HPSE2: variants seen among roughly 807,000 people sequenced by gnomAD.
HPSE2 encodes the protein inactive heparanase-2.
In HPSE2, 38 loss-of-function variants were observed where a neutral mutation model predicts 60.5. The observed-to-expected ratio is 0.63, with a 90% CI of 0.48 to 0.82. The LOEUF (loss-of-function observed/expected upper bound fraction) is 0.82, where lower values mean the gene tolerates loss of function less well. Among genes scored for constraint, HPSE2 ranks in the 40% least tolerant of loss-of-function variants. The pLI is 0.00. For synonymous variants in HPSE2, 295 were observed against 293.2 expected, an observed-to-expected ratio of 1.01 and a Z score of -0.06; for missense variants, 713 against 740.4, an observed-to-expected ratio of 0.96 and a Z score of 0.43.
chr10:98,551,601 G>T (rs890411475), intron 9 of HPSE2, among the ~76,000 whole-genome samples: 1 of 152,056 alleles, frequency 6.6e-6, no homozygotes, highest in Admixed American at 6.6e-5. Flanking sequence ...AAATGACTGG[G>T]GCTCATTCAT....
chr10:99,215,880 G>A (rs908738659), intron 2 of HPSE2, among the ~76,000 whole-genome samples: 2 of 152,156 alleles, frequency 1.3e-5, no homozygotes, highest in Admixed American at 6.5e-5. Context: ...AATTTTAAAT[G>A]GTATGTGCAT....
intron 3 of HPSE2, among the ~76,000 whole-genome samples, chr10:98,893,885 A>G (rs1361492346): frequency 7.0e-6 from 1 of 143,506 alleles, no homozygotes; most frequent in Non-Finnish European, 1.5e-5. Flanking sequence ...GGGCTATACC[A>G]TAATGAAGTG....
At chr10:98,941,185 C>T (rs1358878575) in intron 3 of HPSE2, among the ~76,000 whole-genome samples, 3 of 137,886 alleles carry the variant, frequency 2.2e-5, no homozygotes, top group Non-Finnish European at 4.6e-5. Flanking sequence ...GACAGGGATG[C>T]CCTCTCTCAC....
At chr10:98,854,859 T>C (rs1589953251) in intron 3 of HPSE2, among the ~76,000 whole-genome samples, 1 of 152,186 alleles carries the variant, frequency 6.6e-6, no homozygotes, top group Non-Finnish European at 1.5e-5. Context: ...TTACCTATAA[T>C]AACCAATAAA....
At chr10:99,125,847 C>A (rs1039081051) in intron 3 of HPSE2, among the ~76,000 whole-genome samples, 1 of 152,140 alleles carries the variant, frequency 6.6e-6, no homozygotes, top group East Asian at 1.9e-4. Context: ...AGGAAGTCAT[C>A]CCTAACTTAT....
At chr10:99,060,809 A>T (rs1443992540) in intron 3 of HPSE2, among the ~76,000 whole-genome samples, 2 of 152,104 alleles carry the variant, frequency 1.3e-5, no homozygotes, top group African/African-American at 2.4e-5. Context: ...CACAAATGGA[A>T]CTGGAGGTCA....
the HPSE2 span, among the ~76,000 whole-genome samples, chr10:99,291,995 TCCCCTC>T: frequency 1.3e-5 from 2 of 151,846 alleles, no homozygotes; most frequent in African/African-American, 4.8e-5. Context: ...CAAGCTCCAT[TCCCCTC>T]CAGTTAAATT....
intron 2 of HPSE2, among the ~76,000 whole-genome samples, chr10:99,204,518 T>G (rs1848678990): frequency 6.6e-6 from 1 of 152,154 alleles, no homozygotes; most frequent in African/African-American, 2.4e-5. Flanking sequence ...CTAGGAAATA[T>G]TAACACCACT....
intron 2 of HPSE2, among the ~76,000 whole-genome samples, chr10:99,206,267 G>A (rs978364520): frequency 5.9e-5 from 9 of 152,136 alleles, no homozygotes; most frequent in African/African-American, 2.2e-4. Context: ...AAGGCTTCTG[G>A]TCAAAAGAAG....
chr10:99,069,215 T>A (rs1312310159), intron 3 of HPSE2, among the ~76,000 whole-genome samples: 1 of 152,130 alleles, frequency 6.6e-6, no homozygotes, highest in East Asian at 1.9e-4. Context: ...CTTAAGGCTA[T>A]CTGGGAAGCT....
intron 3 of HPSE2, among the ~76,000 whole-genome samples, chr10:98,901,926 C>T (rs1953678223): frequency 6.6e-6 from 1 of 152,136 alleles, no homozygotes; most frequent in South Asian, 2.1e-4. Flanking sequence ...ATTATAATTA[C>T]CAGCTCTCCT....
At chr10:98,500,136 G>A (rs1360818724) in intron 9 of HPSE2, among the ~76,000 whole-genome samples, 4 of 152,050 alleles carry the variant, frequency 2.6e-5, no homozygotes, top group African/African-American at 2.4e-5. Context: ...AGTCAACAAA[G>A]AAACAATGGA....
chr10:98,808,407 T>C (rs1337873974), intron 3 of HPSE2, among the ~76,000 whole-genome samples: 4 of 152,182 alleles, frequency 2.6e-5, no homozygotes, highest in South Asian at 2.1e-4. Context: ...AATGGGGGCA[T>C]TACAGCTTCA....
At chr10:98,891,536 A>G in intron 3 of HPSE2, among the ~76,000 whole-genome samples, 1 of 151,802 alleles carries the variant, frequency 6.6e-6, no homozygotes, top group Admixed American at 6.6e-5. Flanking sequence ...GTAACATGGA[A>G]CTCGTGGAGT....
intron 3 of HPSE2, among the ~76,000 whole-genome samples, chr10:98,865,358 G>A (rs1388644116): frequency 6.6e-6 from 1 of 152,106 alleles, no homozygotes. Flanking sequence ...ACAAGGACCA[G>A]ATTCAATATA....
intron 11 of HPSE2, among the ~76,000 whole-genome samples, chr10:98,479,163 C>T (rs2133634848): frequency 6.6e-6 from 1 of 152,286 alleles, no homozygotes; most frequent in Non-Finnish European, 1.5e-5. Flanking sequence ...AGTCTTCTGG[C>T]CTCTCCCTAC....
intron 3 of HPSE2, among the ~76,000 whole-genome samples, chr10:99,086,577 C>T (rs1038480910): frequency 1.3e-5 from 2 of 151,630 alleles, no homozygotes; most frequent in African/African-American, 4.8e-5. Context: ...TGGTCTCGAT[C>T]TCCTGACCTC....
intron 6 of HPSE2, among the ~76,000 whole-genome samples, chr10:98,659,331 T>A (rs1947162186): frequency 6.6e-6 from 1 of 152,044 alleles, no homozygotes; most frequent in Non-Finnish European, 1.5e-5. Context: ...TAATTTTCCA[T>A]CCACATTTGG....
chr10:98,777,369 G>A (rs7071434), intron 3 of HPSE2, among the ~76,000 whole-genome samples: 1,813 of 152,192 alleles, frequency 0.012, 24 homozygotes, highest in African/African-American at 0.041. Flanking sequence ...TTACATACAC[G>A]AGAATATAAA....
Sources: gnomAD v4.1 joint callset for allele counts (sites outside exome capture counted in the v4.1 genomes callset) on GRCh38, gnomAD v4.1.1 for gene constraint, MANE v1.5 for transcripts, NCBI Gene and HGNC (gene_info 2026-07-23, HGNC 2026-07-21) for gene names.